FOXP1: variants seen among roughly 807,000 people sequenced by gnomAD.
FOXP1 encodes forkhead box P1.
FOXP1 carries 15 observed loss-of-function variants against 98.2 expected under a neutral mutation model. That is an observed-to-expected ratio of 0.15 (90% CI 0.10 to 0.24). The LOEUF (loss-of-function observed/expected upper bound fraction) is 0.24. Among genes scored for constraint, FOXP1 ranks in the 10% least tolerant of loss-of-function variants. FOXP1 has a pLI of 1.00. For missense variants in FOXP1, 633 were observed against 848.5 expected, an observed-to-expected ratio of 0.75 and a Z score of 3.15; for synonymous variants, 371 against 314.5, an observed-to-expected ratio of 1.18 and a Z score of -1.90.
chr3:71,404,421 C>T (rs539155339), intron 3 of FOXP1, among the ~76,000 whole-genome samples: 1 of 151,990 alleles, frequency 6.6e-6, no homozygotes, highest in African/African-American at 2.4e-5. Flanking sequence ...GCCACCAGGC[C>T]GGCCTGTATT....
At chr3:71,371,036 C>T (rs2079276555) in intron 3 of FOXP1, among the ~76,000 whole-genome samples, 1 of 152,114 alleles carries the variant, frequency 6.6e-6, no homozygotes, top group Non-Finnish European at 1.5e-5. Flanking sequence ...TTCAGCCTCC[C>T]TGTAATCCCC....
At chr3:71,565,547 T>G (rs2046846052) in intron 2 of FOXP1, among the ~76,000 whole-genome samples, 1 of 152,062 alleles carries the variant, frequency 6.6e-6, no homozygotes, top group South Asian at 2.1e-4. Context: ...ATCTGTCAGG[T>G]CTTAATTAAG....
chr3:71,462,685 A>G (rs1055844203), intron 3 of FOXP1, among the ~76,000 whole-genome samples: 4 of 152,226 alleles, frequency 2.6e-5, no homozygotes, highest in African/African-American at 9.6e-5. Context: ...AGAAATCTGG[A>G]CTTGACTCAG....
chr3:71,378,785 C>T (rs2079921070), intron 3 of FOXP1, among the ~76,000 whole-genome samples: 1 of 150,740 alleles, frequency 6.6e-6, no homozygotes, highest in African/African-American at 2.4e-5. Context: ...GTTTCTGTAC[C>T]TAAGTTATAA....
intron 5 of FOXP1, among the ~76,000 whole-genome samples, chr3:71,215,912 A>G (rs2064877524): frequency 6.6e-6 from 1 of 152,238 alleles, no homozygotes; most frequent in Non-Finnish European, 1.5e-5. Context: ...TCTAAAGAAA[A>G]TCTTTAATTG....
chr3:71,519,313 G>C (rs1577976499), intron 2 of FOXP1, among the ~76,000 whole-genome samples: 1 of 152,298 alleles, frequency 6.6e-6, no homozygotes, highest in East Asian at 1.9e-4. Flanking sequence ...TGCCTAGAAG[G>C]CTGGGGATAC....
chr3:71,404,643 T>G (rs1212403140), intron 3 of FOXP1, among the ~76,000 whole-genome samples: 2 of 152,124 alleles, frequency 1.3e-5, no homozygotes, highest in Non-Finnish European at 2.9e-5. Flanking sequence ...AACAATAATT[T>G]GCTTGGAATA....
rs2032052286 is a variant in FOXP1, at chr3:70,957,252, T to C, written c.*1995A>G. On this transcript the variant is annotated 3_prime_UTR_variant, in exon 21 of 21. Transcript: ENST00000649528. The stretch of plus-strand genomic sequence containing the variant: ...GCCCCATAAAATCTCTTTAAGAGAA[T>C]GAGTTTTGGTCTCTGTAGAGGTACA... The C allele has an allele frequency of 4.4e-6, 1 of 225,598 alleles. No individual in the cohort carries two copies. Among genetic ancestry groups the C allele is most frequent in the South Asian group, 1.8e-4 (1 of 5,448 alleles). 14.0% of individuals were successfully genotyped at this position (225,598 alleles called of 1,614,324 possible). A position where few individuals can be genotyped will look rare whatever the true frequency, so the allele number is the denominator to read the frequency against.
intron 5 of FOXP1, among the ~76,000 whole-genome samples, chr3:71,242,090 G>C (rs1202561557): frequency 6.6e-6 from 1 of 152,206 alleles, no homozygotes; most frequent in East Asian, 1.9e-4. Context: ...GCTCTTGAAA[G>C]TGACAAACCA....
At chr3:71,097,698 C>T (rs543629150) in intron 7 of FOXP1, among the ~76,000 whole-genome samples, 16 of 152,272 alleles carry the variant, frequency 1.1e-4, no homozygotes, top group Non-Finnish European at 1.6e-4. Context: ...TTACAGCACA[C>T]GGGCCACTGA....
At chr3:71,496,322 T>C (rs1381867063) in intron 2 of FOXP1, among the ~76,000 whole-genome samples, 1 of 151,810 alleles carries the variant, frequency 6.6e-6, no homozygotes, top group Non-Finnish European at 1.5e-5. Context: ...TATCTTGAGG[T>C]TTTGGGAGGA....
At chr3:70,984,242 T>A (rs1166470899) in intron 14 of FOXP1, among the ~76,000 whole-genome samples, 1 of 152,216 alleles carries the variant, frequency 6.6e-6, no homozygotes, top group Non-Finnish European at 1.5e-5. Context: ...TTGTCTTAAC[T>A]GATGTTGGCT....
chr3:71,476,519 T>C (rs1279392669), intron 3 of FOXP1, among the ~76,000 whole-genome samples: 1 of 152,078 alleles, frequency 6.6e-6, no homozygotes, highest in Non-Finnish European at 1.5e-5. Flanking sequence ...GGGTTATGGG[T>C]AAAATTTCAT....
At chr3:71,358,481 A>T (rs1257867815) in intron 4 of FOXP1, among the ~76,000 whole-genome samples, 1 of 152,264 alleles carries the variant, frequency 6.6e-6, no homozygotes, top group Non-Finnish European at 1.5e-5. Context: ...AGAGCCGATC[A>T]TCACATTCGT....
At chr3:71,246,006 C>T (rs78870634) in intron 5 of FOXP1, among the ~76,000 whole-genome samples, 1 of 144,870 alleles carries the variant, frequency 6.9e-6, no homozygotes. Context: ...CCACCCCCCC[C>T]CCACCACAAA....
At chr3:71,077,973 T>C (rs149964727) in intron 7 of FOXP1, among the ~76,000 whole-genome samples, 13 of 152,184 alleles carry the variant, frequency 8.5e-5, no homozygotes, top group South Asian at 2.1e-4. Context: ...ACTGCGATTA[T>C]AGGCACGCGC....
rs1434605061 is a variant in FOXP1 at position 70,958,074 on chromosome 3, C to G, written c.*1173G>C. On this transcript the variant is annotated 3_prime_UTR_variant, in exon 21 of 21. Transcript: ENST00000649528. ...CAAGGCCCATGGCAACTTGGTTCCA[C>G]AAGGGAGAGCCTTCCAAGGCCATAT... The G allele has an allele frequency of 3.9e-4, 111 of 287,846 alleles. No homozygotes were observed. Among genetic ancestry groups the G allele is most frequent in the African/African-American group, 2.3e-3 (104 of 46,070 alleles). The allele number at this position is 287,846 out of a possible 1,614,324, so 17.8% of individuals were successfully genotyped here.
At chr3:71,070,834 A>C (rs1417046129) in intron 7 of FOXP1, among the ~76,000 whole-genome samples, 1 of 152,218 alleles carries the variant, frequency 6.6e-6, no homozygotes, top group Non-Finnish European at 1.5e-5. Context: ...CGGGAAAATG[A>C]AGCTTAGCAG....
intron 7 of FOXP1, among the ~76,000 whole-genome samples, chr3:71,109,945 G>T (rs1412498032): frequency 6.6e-6 from 1 of 152,026 alleles, no homozygotes; most frequent in Non-Finnish European, 1.5e-5. Flanking sequence ...CCTCTACTTG[G>T]GGGGTAGGGG....
Sources: allele counts gnomAD v4.1 joint callset (sites outside exome capture counted in the v4.1 genomes callset), GRCh38; gene constraint gnomAD v4.1.1; transcripts MANE v1.5; gene names NCBI Gene and HGNC (gene_info 2026-07-23, HGNC 2026-07-21).